MLIP: variants seen among roughly 807,000 people sequenced by gnomAD.
MLIP encodes muscular LMNA-interacting protein.
MLIP carries 79 observed loss-of-function variants against 84.8 expected under a neutral mutation model. The observed-to-expected ratio is 0.93, with a 90% CI of 0.78 to 1.12. The LOEUF (loss-of-function observed/expected upper bound fraction) is 1.12, where lower values mean the gene tolerates loss of function less well. Ranked by LOEUF, MLIP falls within the 50% of genes most tolerant of loss-of-function variation. The probability of loss-of-function intolerance (pLI) is 0.00; values close to 1 mark genes in which losing one functional copy is unlikely to be tolerated. For synonymous variants in MLIP, 504 were observed against 463.0 expected, an observed-to-expected ratio of 1.09 and a Z score of -1.14; for missense variants, 1,257 against 1,160.6, an observed-to-expected ratio of 1.08 and a Z score of -1.21.
chr6:54,202,749 A>G (rs966060042), intron 11 of MLIP, among the ~76,000 whole-genome samples: 5 of 152,104 alleles, frequency 3.3e-5, no homozygotes, highest in Admixed American at 6.5e-5. Flanking sequence ...AAAAAAATAT[A>G]TAGCTGGGTA....
At chr6:54,048,892 C>A (rs1765220881) in intron 1 of MLIP, among the ~76,000 whole-genome samples, 1 of 152,060 alleles carries the variant, frequency 6.6e-6, no homozygotes, top group Non-Finnish European at 1.5e-5. Flanking sequence ...GTGTTTGCAA[C>A]CTACTCCTCA....
chr6:54,245,724 G>A (rs1338610726), intron 12 of MLIP, among the ~76,000 whole-genome samples: 1 of 152,044 alleles, frequency 6.6e-6, no homozygotes, highest in Non-Finnish European at 1.5e-5. Flanking sequence ...TTATTCAATA[G>A]CTTTTTACCT....
chr6:54,153,523 A>G (rs1481844080), intron 5 of MLIP, among the ~76,000 whole-genome samples: 3 of 152,094 alleles, frequency 2.0e-5, no homozygotes, highest in East Asian at 1.9e-4. Context: ...CTTATTAAAG[A>G]TATTTCCTTA....
intron 1 of MLIP, among the ~76,000 whole-genome samples, chr6:54,080,901 C>T (rs519844): frequency 0.77 from 116,190 of 151,442 alleles, 46,570 homozygotes; most frequent in Non-Finnish European, 0.89. Flanking sequence ...TTCATCACCC[C>T]TCATCTCTGT....
At chr6:54,086,822 C>T (rs1456113781) in intron 1 of MLIP, among the ~76,000 whole-genome samples, 3 of 152,160 alleles carry the variant, frequency 2.0e-5, no homozygotes, top group Admixed American at 2.0e-4. Flanking sequence ...TTTATTTCTT[C>T]ACTTCCTTAA....
intron 13 of MLIP, among the ~76,000 whole-genome samples, 198 bp downstream of exon 13, chr6:54,257,559 G>T (rs1271384917): frequency 6.6e-6 from 1 of 152,046 alleles, no homozygotes; most frequent in East Asian, 1.9e-4. Context: ...AATGTAGAAG[G>T]TAGCACTAGA....
At chr6:54,131,739 C>A (rs571529519) in intron 3 of MLIP, among the ~76,000 whole-genome samples, 1 of 152,136 alleles carries the variant, frequency 6.6e-6, no homozygotes, top group East Asian at 1.9e-4. Flanking sequence ...TGTATATATT[C>A]GTTTTTGTCA....
In MLIP at chr6:54,191,643, C is replaced by G. The variant is rs180894797; in HGVS notation, c.2589+1729C>G. Among the ~76,000 whole-genome samples, 646 of 152,260 alleles carry G rather than the reference C, an allele frequency of 4.2e-3. 5 individuals carry two copies. Among genetic ancestry groups the G allele is most frequent in the African/African-American group, 0.015 (611 of 41,548 alleles). On this transcript the variant is annotated intron_variant, in intron 10 of 13. Coordinates refer to ENST00000502396, the MANE Select transcript of MLIP (RefSeq NM_001281747.2). Reference sequence around the variant, plus strand: ...GTGAGAGCATTCTATTGCGTACTTTCCAAGCCCTTCCAGGGCTGTGAATCT... The same window carrying G: ...GTGAGAGCATTCTATTGCGTACTTTGCAAGCCCTTCCAGGGCTGTGAATCT...
chr6:54,265,837 T>G lies in MLIP; in HGVS notation c.2977-113T>G. On this transcript the variant is annotated intron_variant, in intron 13 of 13. Coordinates refer to ENST00000502396, the MANE Select transcript of MLIP (RefSeq NM_001281747.2). The stretch of plus-strand genomic sequence containing the variant: ...AAAATAAGCTTTTCCTATTGTAGTA[T>G]AAACCATTTTTTTGTAGGAGATGCT... The G allele has an allele frequency of 5.2e-6, 5 of 955,236 alleles. No homozygotes were observed. The South Asian group carries it at 7.6e-5, about 14-fold the overall frequency. 59.2% of individuals were successfully genotyped at this position (955,236 alleles called of 1,614,324 possible).
At chr6:54,254,421 A>C (rs1166659149) in intron 12 of MLIP, among the ~76,000 whole-genome samples, 2 of 151,914 alleles carry the variant, frequency 1.3e-5, no homozygotes, top group African/African-American at 2.4e-5. Flanking sequence ...CACCACACCC[A>C]GTCAGTACTT....
At chr6:54,031,685 TC>T (rs1273986698) in intron 1 of MLIP, 7 of 152,238 alleles carry the variant, frequency 4.6e-5, no homozygotes, top group Non-Finnish European at 8.8e-5. Context: ...GAAGAGCTTT[TC>T]AGGAAGGGAC....
chr6:54,137,784 G>T lies in MLIP; in HGVS notation c.1715G>T (p.Gly572Val), dbSNP rs1423613482. ...AGTAAACAGGATGGTGACCTCAGGG[G>T]TCCAGAAAACCCCAGAAACATTCAC... ...LKSKQDGDLR[G>V]PENPRNIHTY... The change falls in exon 4 of 14, where the codon GGT becomes GTT. Residue 572 changes from glycine (G) to valine (V), a missense_variant. Coordinates refer to ENST00000502396, the MANE Select transcript of MLIP (RefSeq NM_001281747.2). 1.3e-6 allele frequency: 2 copies of T among 1,536,026 alleles called. No individual in the cohort carries two copies. The highest frequency in any genetic ancestry group is 1.7e-6 in the Non-Finnish European group (2 of 1,146,884).
chr6:54,117,797 T>A lies in MLIP; in HGVS notation c.97-3650T>A, dbSNP rs139660177. Reference sequence around the variant, plus strand: ...CCGTCTCTACTAAAAATACAAAAAGTTAGCTGGGCGTGTTGGCGGGCGCCT... The same window carrying A: ...CCGTCTCTACTAAAAATACAAAAAGATAGCTGGGCGTGTTGGCGGGCGCCT... On this transcript the variant is annotated intron_variant, in intron 1 of 13. Transcript: ENST00000502396. Among the ~76,000 whole-genome samples, 1,259 of 151,654 alleles carry A rather than the reference T, an allele frequency of 8.3e-3. 23 individuals are homozygous for A. Among genetic ancestry groups the A allele is most frequent in the African/African-American group, 0.028 (1,158 of 41,382 alleles).
intron 1 of MLIP, among the ~76,000 whole-genome samples, chr6:54,075,648 G>T (rs1377834397): frequency 1.3e-5 from 2 of 152,154 alleles, no homozygotes; most frequent in Non-Finnish European, 1.5e-5. Context: ...AAGTCAAAGT[G>T]CTATTTTTTC....
At chr6:54,122,708 C>T (rs1770558785) in intron 2 of MLIP, among the ~76,000 whole-genome samples, 1 of 152,142 alleles carries the variant, frequency 6.6e-6, no homozygotes, top group Admixed American at 6.5e-5. Context: ...CTACAGCACT[C>T]ATTTACATAA....
intron 1 of MLIP, among the ~76,000 whole-genome samples, chr6:54,105,037 G>A (rs1252717330): frequency 2.0e-5 from 3 of 152,130 alleles, no homozygotes; most frequent in South Asian, 2.1e-4. Flanking sequence ...GTTGGATAAC[G>A]CTGATCTAGA....
intron 1 of MLIP, among the ~76,000 whole-genome samples, chr6:54,094,814 T>G (rs142650425): frequency 6.6e-6 from 1 of 152,224 alleles, no homozygotes; most frequent in East Asian, 1.9e-4. Flanking sequence ...AGTTATAAAT[T>G]CACAAATAGG....
At chr6:54,155,761 C>T (rs1773957232) in intron 5 of MLIP, among the ~76,000 whole-genome samples, 1 of 152,032 alleles carries the variant, frequency 6.6e-6, no homozygotes, top group Non-Finnish European at 1.5e-5. Flanking sequence ...TAATGTAGTG[C>T]TAAGTTCAGA....
chr6:54,118,804 C>T (rs777292111), intron 1 of MLIP, among the ~76,000 whole-genome samples: 54 of 151,856 alleles, frequency 3.6e-4, no homozygotes, highest in Non-Finnish European at 3.8e-4. Context: ...ATTAAAAAAA[C>T]CTCAAACAAC....
Sources: allele counts gnomAD v4.1 joint callset (sites outside exome capture counted in the v4.1 genomes callset), GRCh38; gene constraint gnomAD v4.1.1; transcripts MANE v1.5; gene names NCBI Gene and HGNC (gene_info 2026-07-23, HGNC 2026-07-21).